BRINP3: variants seen among roughly 807,000 people sequenced by gnomAD.
BRINP3 encodes BMP/retinoic acid-inducible neural-specific protein 3.
A neutral mutation model predicts 71.0 loss-of-function variants in BRINP3; 19 were observed. That is an observed-to-expected ratio of 0.27 (90% CI 0.19 to 0.39). The LOEUF (loss-of-function observed/expected upper bound fraction) is 0.39, where lower values mean the gene tolerates loss of function less well. Ranked by LOEUF, BRINP3 falls within the 10% of genes least tolerant of loss-of-function variation. BRINP3 has a pLI of 1.00. For missense variants in BRINP3, 959 were observed against 940.8 expected, an observed-to-expected ratio of 1.02 and a Z score of -0.25; for synonymous variants, 380 against 337.7, an observed-to-expected ratio of 1.13 and a Z score of -1.37.
chr1:190,458,278 ATTGTAT>A (rs1391181830), intron 1 of BRINP3, among the ~76,000 whole-genome samples: 9 of 152,130 alleles, frequency 5.9e-5, no homozygotes, highest in African/African-American at 1.7e-4. Flanking sequence ...TCCTAAAATC[ATTGTAT>A]TTGTAAGAAC....
chr1:190,118,923 A>G (rs1178386712), intron 7 of BRINP3, among the ~76,000 whole-genome samples: 3 of 152,178 alleles, frequency 2.0e-5, no homozygotes, highest in Non-Finnish European at 4.4e-5. Context: ...TTTTAGCCAT[A>G]GTCATCCATT....
intron 7 of BRINP3, among the ~76,000 whole-genome samples, chr1:190,134,246 C>T (rs1270524782): frequency 6.6e-6 from 1 of 151,940 alleles, no homozygotes; most frequent in African/African-American, 2.4e-5. Flanking sequence ...AGAATTAGTT[C>T]TCTGTGCAAA....
chr1:190,145,879 G>A (rs948151771), intron 7 of BRINP3, among the ~76,000 whole-genome samples: 2 of 152,110 alleles, frequency 1.3e-5, no homozygotes, highest in Non-Finnish European at 2.9e-5. Flanking sequence ...ACCATAAAAA[G>A]GAATAGAATA....
At chr1:190,260,056 C>A in intron 4 of BRINP3, among the ~76,000 whole-genome samples, 1 of 133,574 alleles carries the variant, frequency 7.5e-6, no homozygotes, top group Non-Finnish European at 1.6e-5. Context: ...AAAAAAGAAG[C>A]AACTTAAGAA....
chr1:190,250,963 T>C (rs960722917), intron 4 of BRINP3, among the ~76,000 whole-genome samples: 2 of 151,866 alleles, frequency 1.3e-5, no homozygotes, highest in Non-Finnish European at 2.9e-5. Flanking sequence ...ACACAAGTAA[T>C]ACCAACAATT....
At chr1:190,142,518 T>C (rs937439955) in intron 7 of BRINP3, among the ~76,000 whole-genome samples, 4 of 152,196 alleles carry the variant, frequency 2.6e-5, no homozygotes, top group African/African-American at 7.2e-5. Context: ...AATACGTGTG[T>C]ATTGATCTCT....
chr1:190,316,127 C>T (rs975672125), intron 2 of BRINP3, among the ~76,000 whole-genome samples: 1 of 151,720 alleles, frequency 6.6e-6, no homozygotes, highest in African/African-American at 2.4e-5. Context: ...GTCCTATCAC[C>T]TCCAACTCTG....
intron 2 of BRINP3, among the ~76,000 whole-genome samples, chr1:190,441,604 T>C (rs1348552370): frequency 6.6e-6 from 1 of 152,134 alleles, no homozygotes; most frequent in Non-Finnish European, 1.5e-5. Flanking sequence ...ACATAGGAGC[T>C]ATTCCTTTAA....
chr1:190,318,492 T>C (rs891957567), intron 2 of BRINP3, among the ~76,000 whole-genome samples: 2 of 152,162 alleles, frequency 1.3e-5, no homozygotes, highest in Non-Finnish European at 2.9e-5. Context: ...GCAGCCCATA[T>C]AACTCAATCT....
chr1:190,260,156 T>C (rs1240449835), intron 4 of BRINP3, among the ~76,000 whole-genome samples: 2 of 151,530 alleles, frequency 1.3e-5, no homozygotes, highest in African/African-American at 4.8e-5. Context: ...CATGAGGTCA[T>C]GACAAGATAT....
At chr1:190,357,301 C>A (rs1453927550) in intron 2 of BRINP3, among the ~76,000 whole-genome samples, 1 of 151,914 alleles carries the variant, frequency 6.6e-6, no homozygotes, top group East Asian at 1.9e-4. Context: ...ATGTTTGTGC[C>A]TACAAAGGTT....
intron 6 of BRINP3, among the ~76,000 whole-genome samples, chr1:190,224,060 T>C (rs1406630207): frequency 1.3e-5 from 2 of 151,704 alleles, no homozygotes; most frequent in African/African-American, 2.4e-5. Context: ...AAAATGACAA[T>C]ACTACTAAAG....
intron 2 of BRINP3, among the ~76,000 whole-genome samples, chr1:190,445,377 T>C (rs966327554): frequency 1.8e-4 from 28 of 152,164 alleles, no homozygotes; most frequent in African/African-American, 6.3e-4. Context: ...TTAGGACTAA[T>C]TTATTTAAAC....
At chr1:190,253,495 T>C (rs972300824) in intron 4 of BRINP3, among the ~76,000 whole-genome samples, 1 of 152,214 alleles carries the variant, frequency 6.6e-6, no homozygotes, top group Non-Finnish European at 1.5e-5. Context: ...TATCTCAATG[T>C]GGTTTTCATT....
intron 2 of BRINP3, among the ~76,000 whole-genome samples, chr1:190,295,282 G>C (rs1285487594): frequency 6.6e-6 from 1 of 152,138 alleles, no homozygotes; most frequent in African/African-American, 2.4e-5. Flanking sequence ...ACTTGGTTCT[G>C]TCCTTTGTTG....
chr1:190,345,819 T>C (rs990706115), intron 2 of BRINP3, among the ~76,000 whole-genome samples: 8 of 151,742 alleles, frequency 5.3e-5, no homozygotes, highest in Non-Finnish European at 7.4e-5. Context: ...AAACAAAATA[T>C]GTTCTTTCTT....
At chr1:190,222,873 G>T (rs537654437) in intron 6 of BRINP3, among the ~76,000 whole-genome samples, 2 of 151,616 alleles carry the variant, frequency 1.3e-5, no homozygotes, top group Non-Finnish European at 3.0e-5. Context: ...ACAAAGAATC[G>T]TTAGAGACTA....
Position 190,296,192 on chromosome 1 carries a change from G to A in BRINP3, c.237-14442C>T, listed in dbSNP as rs541118505. The stretch of plus-strand genomic sequence containing the variant: ...TTTTACAGTTTCATGTTATATTTAA[G>A]TCTTTAATATTCCTAGGATGTACCC... On this transcript the variant is annotated intron_variant, in intron 2 of 7. Coordinates refer to ENST00000367462, the MANE Select transcript of BRINP3 (RefSeq NM_199051.3). Among the ~76,000 whole-genome samples, 12 of 149,826 alleles carry A rather than the reference G, an allele frequency of 8.0e-5. No homozygotes were observed. In the South Asian group the frequency reaches 2.6e-3, roughly 32 times the overall value.
intron 6 of BRINP3, among the ~76,000 whole-genome samples, chr1:190,223,023 A>T (rs1657028102): frequency 6.6e-6 from 1 of 151,966 alleles, no homozygotes; most frequent in South Asian, 2.1e-4. Context: ...GCTATCAAAG[A>T]GATAATTCAA....
Sources: allele counts gnomAD v4.1 joint callset (sites outside exome capture counted in the v4.1 genomes callset), GRCh38; gene constraint gnomAD v4.1.1; transcripts MANE v1.5; gene names NCBI Gene and HGNC (gene_info 2026-07-23, HGNC 2026-07-21).